SLC16A10: variants seen among roughly 807,000 people sequenced by gnomAD.
The protein encoded by SLC16A10 is solute carrier family 16 member 10.
A neutral mutation model predicts 40.0 loss-of-function variants in SLC16A10; 27 were observed. That is an observed-to-expected ratio of 0.67 (90% CI 0.50 to 0.93). The LOEUF is 0.93. SLC16A10 is among the 40% of genes least tolerant of loss of function. SLC16A10 has a pLI of 0.00. For synonymous variants in SLC16A10, 213 were observed against 249.8 expected, an observed-to-expected ratio of 0.85 and a Z score of 1.39; for missense variants, 529 against 658.2, an observed-to-expected ratio of 0.80 and a Z score of 2.15.
intron 1 of SLC16A10, among the ~76,000 whole-genome samples, chr6:111,093,685 A>G (rs1481256573): frequency 6.6e-6 from 1 of 152,242 alleles, no homozygotes; most frequent in African/African-American, 2.4e-5. Flanking sequence ...AAAAATTTTT[A>G]GTAACAGTCC....
At chr6:111,154,402 A>G (rs766446011) in intron 1 of SLC16A10, among the ~76,000 whole-genome samples, 9 of 152,218 alleles carry the variant, frequency 5.9e-5, no homozygotes, top group Non-Finnish European at 1.2e-4. Context: ...AGACTGGGGG[A>G]ATGTAAACAC....
intron 1 of SLC16A10, among the ~76,000 whole-genome samples, chr6:111,148,499 A>G (rs577174609): frequency 1.4e-4 from 22 of 152,346 alleles, no homozygotes; most frequent in Non-Finnish European, 2.9e-4. Context: ...AATTATGAGC[A>G]AGGAGGCATT....
intron 1 of SLC16A10, among the ~76,000 whole-genome samples, chr6:111,137,252 C>A (rs1268583796): frequency 6.6e-6 from 1 of 152,132 alleles, no homozygotes; most frequent in Non-Finnish European, 1.5e-5. Flanking sequence ...GGATGGCTAG[C>A]CACCAAAGAA....
chr6:111,105,944 C>A (rs759802689), intron 1 of SLC16A10, among the ~76,000 whole-genome samples: 2 of 152,160 alleles, frequency 1.3e-5, no homozygotes, highest in Non-Finnish European at 2.9e-5. Context: ...AGCCAAGACA[C>A]CTTTACCCTT....
intron 1 of SLC16A10, among the ~76,000 whole-genome samples, chr6:111,168,795 T>A (rs2114537280): frequency 6.6e-6 from 1 of 152,296 alleles, no homozygotes; most frequent in East Asian, 1.9e-4. Flanking sequence ...TGTGGCTTTT[T>A]AAAGTAGGTT....
intron 1 of SLC16A10, among the ~76,000 whole-genome samples, chr6:111,159,294 C>T (rs1022528791): frequency 3.3e-5 from 5 of 151,928 alleles, no homozygotes; most frequent in South Asian, 4.2e-4. Context: ...TTTATTTTAC[C>T]GCTGATGGGC....
chr6:111,155,697 G>A (rs1403926662), intron 1 of SLC16A10, among the ~76,000 whole-genome samples: 1 of 152,172 alleles, frequency 6.6e-6, no homozygotes, highest in South Asian at 2.1e-4. Flanking sequence ...AGAGTTGGAG[G>A]TGTATGTAAG....
chr6:111,215,243 T>C (rs960673090), intron 4 of SLC16A10, among the ~76,000 whole-genome samples: 1 of 152,200 alleles, frequency 6.6e-6, no homozygotes, highest in South Asian at 2.1e-4. Flanking sequence ...GAGGCCAAGT[T>C]CCAAGACTCA....
At chr6:111,117,607 T>C (rs1771511706) in intron 1 of SLC16A10, among the ~76,000 whole-genome samples, 1 of 152,230 alleles carries the variant, frequency 6.6e-6, no homozygotes, top group Non-Finnish European at 1.5e-5. Flanking sequence ...CATGAAGTAC[T>C]ATTTCTTTTC....
At chr6:111,186,347 G>A (rs1772897556) in intron 3 of SLC16A10, among the ~76,000 whole-genome samples, 1 of 152,212 alleles carries the variant, frequency 6.6e-6, no homozygotes, top group Non-Finnish European at 1.5e-5. Flanking sequence ...ATTAAAGTTT[G>A]TTCAAGTTTG....
At chr6:111,099,175 G>GAA (rs1771128648) in intron 1 of SLC16A10, among the ~76,000 whole-genome samples, 1 of 152,208 alleles carries the variant, frequency 6.6e-6, no homozygotes, top group South Asian at 2.1e-4. Flanking sequence ...TACACATTAA[G>GAA]TTCTTGTTCA....
At chr6:111,216,683 G>A (rs1331151262) in intron 4 of SLC16A10, among the ~76,000 whole-genome samples, 1 of 151,754 alleles carries the variant, frequency 6.6e-6, no homozygotes, top group African/African-American at 2.4e-5. Flanking sequence ...CCAAACTGCT[G>A]GGATTACAGG....
chr6:111,092,641 A>G lies in SLC16A10; in HGVS notation c.343+4546A>G, dbSNP rs1480930569. On this transcript the variant is annotated intron_variant, in intron 1 of 5. Coordinates refer to ENST00000368851, the MANE Select transcript of SLC16A10 (RefSeq NM_018593.5). Reference sequence around the variant, plus strand: ...GTTGTCTCTTTTTAGTTGAATTTTTACCTGTTCACATGTGTATTCTTCTTG... The same window carrying G: ...GTTGTCTCTTTTTAGTTGAATTTTTGCCTGTTCACATGTGTATTCTTCTTG... Among the ~76,000 whole-genome samples, 3 of 151,168 alleles carry G rather than the reference A, an allele frequency of 2.0e-5. No individual in the cohort carries two copies. The East Asian group carries it at 5.8e-4, about 29-fold the overall frequency.
intron 3 of SLC16A10, chr6:111,178,681 G>A (rs559314358): frequency 3.4e-5 from 7 of 205,060 alleles, no homozygotes; most frequent in Admixed American, 1.2e-4. Flanking sequence ...ACAATTCACC[G>A]TAAATGATAA....
At chr6:111,197,407 G>A (rs556534766) in intron 3 of SLC16A10, among the ~76,000 whole-genome samples, 1 of 152,146 alleles carries the variant, frequency 6.6e-6, no homozygotes, top group Non-Finnish European at 1.5e-5. Context: ...AAATCTTTAA[G>A]TTAAAATTTC....
At chr6:111,163,313 C>T (rs1009231363) in intron 1 of SLC16A10, among the ~76,000 whole-genome samples, 5 of 150,978 alleles carry the variant, frequency 3.3e-5, no homozygotes, top group Non-Finnish European at 7.4e-5. Flanking sequence ...CCACTACGCC[C>T]GGCTAATTTT....
At chr6:111,145,616 A>C (rs1478109570) in intron 1 of SLC16A10, among the ~76,000 whole-genome samples, 1 of 152,170 alleles carries the variant, frequency 6.6e-6, no homozygotes, top group African/African-American at 2.4e-5. Flanking sequence ...GTATAAGCTG[A>C]GACAAGAAGA....
At chr6:111,219,627 A>G (rs1370230690) in intron 5 of SLC16A10, among the ~76,000 whole-genome samples, 2 of 151,228 alleles carry the variant, frequency 1.3e-5, no homozygotes, top group African/African-American at 4.8e-5. Context: ...AACATGATAG[A>G]AAAAACCCAA....
chr6:111,099,415 C>T lies in SLC16A10; in HGVS notation c.343+11320C>T, dbSNP rs1009758357. Among the ~76,000 whole-genome samples, 6 of 152,206 alleles carry T rather than the reference C, an allele frequency of 3.9e-5. No individual in the cohort carries two copies. The East Asian group carries it at 7.8e-4, about 20-fold the overall frequency. On this transcript the variant is annotated intron_variant, in intron 1 of 5. Coordinates refer to ENST00000368851, the MANE Select transcript of SLC16A10 (RefSeq NM_018593.5). ...ACTGCAGCCTTGACCTGGGCTCAAG[C>T]GATTTTCTTGCCTCAGCCTCCCGAG...
Sources: gnomAD v4.1 joint callset for allele counts (sites outside exome capture counted in the v4.1 genomes callset) on GRCh38, gnomAD v4.1.1 for gene constraint, MANE v1.5 for transcripts, NCBI Gene and HGNC (gene_info 2026-07-23, HGNC 2026-07-21) for gene names.